The following PRKG1 variants were observed in gnomAD, a reference collection of about 807,000 sequenced individuals.
PRKG1 encodes cGMP-dependent protein kinase 1.
PRKG1 carries 35 observed loss-of-function variants against 88.1 expected under a neutral mutation model. The ratio of observed to expected loss-of-function variants is 0.40; its 90% CI spans 0.30 to 0.53. The LOEUF is 0.53. Among genes scored for constraint, PRKG1 ranks in the 20% least tolerant of loss-of-function variants. The probability of loss-of-function intolerance (pLI) is 0.59; values close to 1 mark genes in which losing one functional copy is unlikely to be tolerated. For missense variants in PRKG1, 540 were observed against 839.8 expected, an observed-to-expected ratio of 0.64 and a Z score of 4.41; for synonymous variants, 303 against 292.5, an observed-to-expected ratio of 1.04 and a Z score of -0.37.
At chr10:51,517,899 A>G (rs986847826) in intron 3 of PRKG1, among the ~76,000 whole-genome samples, 1 of 152,108 alleles carries the variant, frequency 6.6e-6, no homozygotes, top group Non-Finnish European at 1.5e-5. Context: ...ATAAGTTCTG[A>G]TCTATTTCTG....
intron 5 of PRKG1, among the ~76,000 whole-genome samples, chr10:51,966,127 A>G (rs1320790341): frequency 1.3e-5 from 2 of 152,162 alleles, no homozygotes; most frequent in Non-Finnish European, 2.9e-5. Flanking sequence ...TTATATTTTA[A>G]TGACAGAAAC....
chr10:51,370,663 A>T (rs1185676749), intron 2 of PRKG1, among the ~76,000 whole-genome samples: 1 of 152,112 alleles, frequency 6.6e-6, no homozygotes, highest in Non-Finnish European at 1.5e-5. Context: ...TAGAAGCCAT[A>T]TTAAAAAATA....
intron 2 of PRKG1, among the ~76,000 whole-genome samples, chr10:51,432,135 T>C (rs1188826658): frequency 6.6e-6 from 1 of 152,170 alleles, no homozygotes; most frequent in Admixed American, 6.6e-5. Context: ...TTGATTTTTA[T>C]AGGAGAGCAA....
intron 9 of PRKG1, among the ~76,000 whole-genome samples, chr10:52,246,210 C>G (rs763475883): frequency 6.6e-6 from 1 of 151,980 alleles, no homozygotes; most frequent in Non-Finnish European, 1.5e-5. Flanking sequence ...GAATGGAAAA[C>G]AATTGTGAAT....
chr10:51,376,767 T>C (rs1383830422), intron 2 of PRKG1, among the ~76,000 whole-genome samples: 1 of 151,840 alleles, frequency 6.6e-6, no homozygotes, highest in Non-Finnish European at 1.5e-5. Flanking sequence ...CTCCACCTCC[T>C]GCGTTCAAGT....
At chr10:51,671,955 CAA>C (rs1321354826) in intron 3 of PRKG1, among the ~76,000 whole-genome samples, 1 of 152,110 alleles carries the variant, frequency 6.6e-6, no homozygotes, top group Non-Finnish European at 1.5e-5. Flanking sequence ...ATCCTATTTC[CAA>C]ATACAGTCAC....
At chr10:52,037,150 C>A (rs979279708) in intron 5 of PRKG1, among the ~76,000 whole-genome samples, 1 of 152,200 alleles carries the variant, frequency 6.6e-6, no homozygotes, top group Non-Finnish European at 1.5e-5. Flanking sequence ...GGGTCCCACA[C>A]AGATGGGACA....
intron 2 of PRKG1, among the ~76,000 whole-genome samples, chr10:51,426,396 G>A (rs765977669): frequency 2.6e-5 from 4 of 152,226 alleles, no homozygotes; most frequent in East Asian, 3.8e-4. Flanking sequence ...GGGAAATGGA[G>A]ATGAATACGA....
At chr10:51,222,668 T>A (rs540788388) in intron 2 of PRKG1, among the ~76,000 whole-genome samples, 8 of 152,308 alleles carry the variant, frequency 5.3e-5, no homozygotes, top group African/African-American at 1.7e-4. Context: ...CATGGCTTTA[T>A]GGTTCTAGAT....
At chr10:51,094,000 T>G (rs1336765377) in intron 1 of PRKG1, among the ~76,000 whole-genome samples, 1 of 151,784 alleles carries the variant, frequency 6.6e-6, no homozygotes, top group Non-Finnish European at 1.5e-5. Context: ...AGCTCACCTT[T>G]GTTGATCCAG....
At chr10:51,300,230 G>A (rs1840846208) in intron 2 of PRKG1, among the ~76,000 whole-genome samples, 1 of 152,182 alleles carries the variant, frequency 6.6e-6, no homozygotes, top group Non-Finnish European at 1.5e-5. Context: ...TGGTGAATGA[G>A]GCACTGCACA....
intron 9 of PRKG1, among the ~76,000 whole-genome samples, chr10:52,176,173 C>CTTTTTTTTTTTTT (rs140722137): frequency 3.1e-5 from 3 of 95,674 alleles, no homozygotes; most frequent in Non-Finnish European, 4.1e-5. Context: ...TTCTTTTTCT[C>CTTTTTTTTTTTTT]TTTTTTTTTT....
chr10:51,194,670 G>T (rs1837716801), intron 2 of PRKG1, among the ~76,000 whole-genome samples: 1 of 151,978 alleles, frequency 6.6e-6, no homozygotes, highest in South Asian at 2.1e-4. Context: ...GTGTATCTTA[G>T]TTTGTTTTGT....
chr10:51,374,093 A>AAAAATATATATATAT lies in PRKG1; in HGVS notation c.479-93629_479-93628insAAATATATATATATA. Among the ~76,000 whole-genome samples, 170 of 100,158 alleles carry AAAAATATATATATAT rather than the reference A, an allele frequency of 1.7e-3. 1 individual carries two copies. Among genetic ancestry groups the AAAAATATATATATAT allele is most frequent in the East Asian group, 5.6e-3 (22 of 3,912 alleles). The allele number at this position is 100,158 out of a possible 152,430, so 65.7% of individuals were successfully genotyped here. A position where few individuals can be genotyped will look rare whatever the true frequency, so the allele number is the denominator to read the frequency against. On this transcript the variant is annotated intron_variant, in intron 2 of 17. Coordinates refer to ENST00000373980, the MANE Select transcript of PRKG1 (RefSeq NM_006258.4). Reference sequence around the variant, plus strand: ...GCTGGCAGAGGTTGCAAAAAAAAAAAATATATATATATATATATATGTACT... The same window carrying AAAAATATATATATAT: ...GCTGGCAGAGGTTGCAAAAAAAAAAAAAAATATATATATATATATATATATATATATATATGTACT...
chr10:51,306,441 A>G (rs1402368365), intron 2 of PRKG1: 2 of 152,068 alleles, frequency 1.3e-5, no homozygotes, highest in Non-Finnish European at 2.9e-5. Context: ...CCTTGGTTGT[A>G]CCCCTGTGTA....
At chr10:51,820,780 T>C (rs80144383) in intron 4 of PRKG1, among the ~76,000 whole-genome samples, 2,387 of 152,324 alleles carry the variant, frequency 0.016, 29 homozygotes, top group Non-Finnish European at 0.025. Context: ...AAGATTCTCA[T>C]AGATCTTTTC....
At chr10:51,832,317 C>T (rs1210308658) in intron 4 of PRKG1, among the ~76,000 whole-genome samples, 2 of 152,146 alleles carry the variant, frequency 1.3e-5, no homozygotes, top group Non-Finnish European at 2.9e-5. Context: ...GTTTATTAAG[C>T]ACCTTCATGT....
intron 9 of PRKG1, among the ~76,000 whole-genome samples, chr10:52,249,789 A>C (rs1479877965): frequency 6.6e-6 from 1 of 152,014 alleles, no homozygotes; most frequent in Non-Finnish European, 1.5e-5. Context: ...GCACCGCTGC[A>C]CTCTAGCCTC....
intron 2 of PRKG1, among the ~76,000 whole-genome samples, chr10:51,390,123 T>C (rs140601844): frequency 2.7e-4 from 41 of 152,304 alleles, no homozygotes; most frequent in African/African-American, 9.6e-4. Flanking sequence ...CATACACACT[T>C]CAGTTGATAG....
Sources: allele counts gnomAD v4.1 joint callset (sites outside exome capture counted in the v4.1 genomes callset), GRCh38; gene constraint gnomAD v4.1.1; transcripts MANE v1.5; gene names NCBI Gene and HGNC (gene_info 2026-07-23, HGNC 2026-07-21).